The following NOS1 variants were observed in gnomAD, a reference collection of about 807,000 sequenced individuals.
The protein encoded by NOS1 is nitric oxide synthase 1.
Under a neutral mutation model 164.5 loss-of-function variants are expected in NOS1, and 51 were observed. The ratio of observed to expected loss-of-function variants is 0.31; its 90% CI spans 0.25 to 0.39. The LOEUF is 0.39. NOS1 is among the 10% of genes least tolerant of loss of function. The pLI is 1.00. For missense variants in NOS1, 1,362 were observed against 1,885.6 expected (o/e 0.72, Z 5.14); for synonymous variants, 719 against 745.8 (o/e 0.96, Z 0.59).
intron 26 of NOS1, among the ~76,000 whole-genome samples, chr12:117,221,909 C>T (rs1956712781): frequency 6.6e-6 from 1 of 151,270 alleles, no homozygotes; most frequent in South Asian, 2.1e-4. Context: ...ATCCTCCCAC[C>T]TCAGCCTCCC....
intron 11 of NOS1, among the ~76,000 whole-genome samples, chr12:117,266,439 C>T (rs1369932903): frequency 2.6e-5 from 4 of 152,086 alleles, no homozygotes; most frequent in Admixed American, 6.6e-5. Context: ...GCCATGAATT[C>T]GGTTGGTTCC....
rs577833773 is a variant in NOS1, at chr12:117,213,034, C to A, written c.*2275G>T. 4 of 985,426 alleles carry A rather than the reference C, an allele frequency of 4.1e-6. No homozygotes were observed. Among genetic ancestry groups the A allele is most frequent in the Middle Eastern group, 5.2e-4 (1 of 1,914 alleles). 61.0% of individuals were successfully genotyped at this position (985,426 alleles called of 1,614,324 possible). A position where few individuals can be genotyped will look rare whatever the true frequency, so the allele number is the denominator to read the frequency against. ...ATAATCATTTCTTTGGACTCCTTGA[C>A]AAAATGAGACAATGTTTCCATCTGT... On this transcript the variant is annotated 3_prime_UTR_variant, in exon 29 of 29. Coordinates refer to ENST00000317775, the MANE Select transcript of NOS1 (RefSeq NM_000620.5).
chr12:117,232,642 G>A (rs1011257907), intron 21 of NOS1, among the ~76,000 whole-genome samples: 1 of 148,886 alleles, frequency 6.7e-6, no homozygotes, highest in Non-Finnish European at 1.5e-5. Context: ...TAGAAGCATG[G>A]AGAGGTTAAG....
intron 18 of NOS1, among the ~76,000 whole-genome samples, chr12:117,245,240 G>A (rs144743695): frequency 2.0e-5 from 3 of 152,250 alleles, no homozygotes; most frequent in Non-Finnish European, 4.4e-5. Flanking sequence ...GTATTCCAAG[G>A]CTAGGATGGA....
At chr12:117,340,338 A>G (rs1876038569) in intron 1 of NOS1, among the ~76,000 whole-genome samples, 1 of 152,024 alleles carries the variant, frequency 6.6e-6, no homozygotes, top group Admixed American at 6.6e-5. Context: ...TTTTTGCATC[A>G]ATTTTAAGAA....
At chr12:117,249,688 C>T (rs1237305980) in intron 17 of NOS1, among the ~76,000 whole-genome samples, 1 of 152,048 alleles carries the variant, frequency 6.6e-6, no homozygotes, top group African/African-American at 2.4e-5. Context: ...ATAGACGCCA[C>T]CAAGAAAATA....
chr12:117,342,515 G>C (rs982436427), intron 1 of NOS1, among the ~76,000 whole-genome samples: 2 of 152,152 alleles, frequency 1.3e-5, no homozygotes, highest in African/African-American at 2.4e-5. Flanking sequence ...ACAGAGACCA[G>C]CGTGTGAGAA....
intron 1 of NOS1, among the ~76,000 whole-genome samples, chr12:117,343,067 G>T (rs920870512): frequency 6.6e-6 from 1 of 152,126 alleles, no homozygotes; most frequent in Admixed American, 6.5e-5. Context: ...AGGGCTGGAT[G>T]CCTGTAATCC....
intron 2 of NOS1, among the ~76,000 whole-genome samples, chr12:117,323,208 G>A (rs1260652715): frequency 6.6e-6 from 1 of 152,212 alleles, no homozygotes; most frequent in Non-Finnish European, 1.5e-5. Context: ...CATAAATGGG[G>A]GAGTCCCTCC....
chr12:117,221,712 A>G (rs1283643773), intron 26 of NOS1, among the ~76,000 whole-genome samples: 2 of 150,942 alleles, frequency 1.3e-5, no homozygotes, highest in Non-Finnish European at 3.0e-5. Context: ...CAGCTCACTG[A>G]AGCCTTGACC....
chr12:117,307,792 G>A (rs1874226935), intron 3 of NOS1, among the ~76,000 whole-genome samples: 1 of 152,032 alleles, frequency 6.6e-6, no homozygotes, highest in South Asian at 2.1e-4. Context: ...TGAGGCAGGT[G>A]GATCACCTGA....
At chr12:117,348,211 C>T (rs573811030) in intron 1 of NOS1, 1 of 152,080 alleles carries the variant, frequency 6.6e-6, no homozygotes, top group South Asian at 2.1e-4. Flanking sequence ...ATAAAAATCA[C>T]AGAAGAGAAC....
At chr12:117,222,967 G>A (rs920484861) in intron 25 of NOS1, 104 bp from the exon 26 acceptor site, 20 of 1,322,780 alleles carry the variant, frequency 1.5e-5, no homozygotes, top group South Asian at 5.6e-5. Context: ...TGTGCCATGC[G>A]GATAGAGGCT....
chr12:117,347,241 C>T lies in NOS1; in HGVS notation c.-421+14271G>A, dbSNP rs560002624. Among the ~76,000 whole-genome samples the T allele has an allele frequency of 4.0e-5, 6 of 151,058 alleles. No homozygotes were observed. The East Asian group carries it at 1.2e-3, about 29-fold the overall frequency. ...GGCGGAGGTTGCAGTGAGCCAAGATCGCGCCACTGCACTCCAGACTGGGTG... is the reference window on the plus strand; with the variant it reads ...GGCGGAGGTTGCAGTGAGCCAAGATTGCGCCACTGCACTCCAGACTGGGTG... On this transcript the variant is annotated intron_variant, in intron 1 of 28. Transcript: ENST00000317775.
intron 7 of NOS1, among the ~76,000 whole-genome samples, chr12:117,281,593 T>G (rs1004292606): frequency 1.3e-5 from 2 of 150,162 alleles, no homozygotes; most frequent in Admixed American, 1.3e-4. Flanking sequence ...CCCAGCACTT[T>G]GGGAGGCCAA....
chr12:117,321,859 T>C lies in NOS1; in HGVS notation c.725+8486A>G, dbSNP rs571400249. 1.5e-3 allele frequency among the ~76,000 whole-genome samples: 229 copies of C among 152,106 alleles called. 3 individuals carry two copies. The highest frequency in any genetic ancestry group is 5.2e-3 in the African/African-American group (215 of 41,474). ...GTCCTCGAAGCAAAAACCGAGCCAGTCCTCTTCCCTGCTGTAGAGAAAGCC... is the reference window on the plus strand; with the variant it reads ...GTCCTCGAAGCAAAAACCGAGCCAGCCCTCTTCCCTGCTGTAGAGAAAGCC... On this transcript the variant is annotated intron_variant, in intron 2 of 28. Transcript: ENST00000317775.
chr12:117,242,509 A>G (rs925813077), intron 20 of NOS1, 118 bp downstream of exon 20: 2 of 853,892 alleles, frequency 2.3e-6, no homozygotes, highest in African/African-American at 1.7e-5. Context: ...GGGGGTCTCT[A>G]TGGCACTTTG....
intron 2 of NOS1, among the ~76,000 whole-genome samples, chr12:117,314,751 C>T (rs1019898971): frequency 3.9e-5 from 6 of 152,036 alleles, no homozygotes; most frequent in South Asian, 2.1e-4. Flanking sequence ...GGACTACAGG[C>T]GCACACCACC....
chr12:117,311,579 T>C lies in NOS1; in HGVS notation c.739A>G (p.Lys247Glu). ...CCGAGGGGCAGAGGTTTGTGTGACT[T>C]GCCGTCCAAATCTCTGAAAGGCAAG... The part of the protein sequence containing the change: ...GIQVDRDLDG[K>E]SHKPLPLGVE... The change falls in exon 3 of 29, where the codon AAG becomes GAG. Residue 247 changes from lysine to glutamate, a missense_variant. Lys to Glu is a moderately conservative substitution (Grantham distance 56). Coordinates refer to ENST00000317775, the MANE Select transcript of NOS1 (RefSeq NM_000620.5). 1 of 1,611,610 alleles carries C rather than the reference T, an allele frequency of 6.2e-7. No individual in the cohort carries two copies.
Sources: gnomAD v4.1 joint callset for allele counts (sites outside exome capture counted in the v4.1 genomes callset) on GRCh38, gnomAD v4.1.1 for gene constraint, MANE v1.5 for transcripts, NCBI Gene and HGNC (gene_info 2026-07-23, HGNC 2026-07-21) for gene names.